Variants in C16orf78 observed in about 807,000 individuals in gnomAD.
C16orf78 encodes uncharacterized protein C16orf78.
A neutral mutation model predicts 27.3 loss-of-function variants in C16orf78; 19 were observed. The observed-to-expected ratio is 0.70, with a 90% CI of 0.49 to 1.02. The LOEUF (loss-of-function observed/expected upper bound fraction) is 1.02, where lower values mean the gene tolerates loss of function less well. C16orf78 is among the 50% of genes least tolerant of loss of function. C16orf78 has a pLI of 0.00. For missense variants in C16orf78, 339 were observed against 337.0 expected (o/e 1.01, Z -0.05); for synonymous variants, 130 against 116.1 (o/e 1.12, Z -0.77).
intron 1 of C16orf78, among the ~76,000 whole-genome samples, chr16:49,375,533 GC>G (rs1264552767): frequency 6.6e-6 from 1 of 152,038 alleles, no homozygotes; most frequent in Non-Finnish European, 1.5e-5. Flanking sequence ...GAGAACTCTC[GC>G]CTTCATGACA....
intron 2 of C16orf78, 63 bp from the exon 3 acceptor site, chr16:49,378,407 G>A: frequency 1.3e-6 from 2 of 1,524,412 alleles, no homozygotes; most frequent in Non-Finnish European, 1.8e-6. Context: ...TGCTTGGGAT[G>A]GAGCGGGGAG....
At position 49,399,323 on chromosome 16, in the gene C16orf78, C is replaced by G. The variant is rs765929210; in HGVS notation, c.*45C>G. ...CCTTCAGGCTCCTTCTGTCATGGGA[C>G]CCTTCACCTCCAGATGCCATCCTCT... On this transcript the variant is annotated 3_prime_UTR_variant, in exon 5 of 5. Coordinates refer to ENST00000299191, the MANE Select transcript of C16orf78 (RefSeq NM_144602.4). The G allele has an allele frequency of 6.2e-7, 1 of 1,603,246 alleles. No homozygotes were observed. The highest frequency in any genetic ancestry group is 1.7e-5 in the Admixed American group (1 of 59,608).
intron 1 of C16orf78, among the ~76,000 whole-genome samples, chr16:49,375,523 G>A (rs1424004521): frequency 1.3e-5 from 2 of 152,050 alleles, no homozygotes; most frequent in African/African-American, 2.4e-5. Flanking sequence ...TGGATCTCAC[G>A]AGAACTCTCG....
chr16:49,387,744 A>G (rs1172870171), intron 3 of C16orf78, among the ~76,000 whole-genome samples: 1 of 152,148 alleles, frequency 6.6e-6, no homozygotes, highest in Non-Finnish European at 1.5e-5. Context: ...GCTCATTATT[A>G]GTCTGTTCAG....
intron 1 of C16orf78, among the ~76,000 whole-genome samples, chr16:49,376,129 C>G (rs1196463199): frequency 6.6e-6 from 1 of 152,094 alleles, no homozygotes; most frequent in Non-Finnish European, 1.5e-5. Context: ...GATGGGGGAC[C>G]CTCTGGTGAG....
At chr16:49,398,123 T>G (rs1284814913) in intron 4 of C16orf78, among the ~76,000 whole-genome samples, 2 of 152,178 alleles carry the variant, frequency 1.3e-5, no homozygotes, top group Non-Finnish European at 2.9e-5. Flanking sequence ...GCTAGGCTGA[T>G]CAGGGAAAAA....
intron 3 of C16orf78, among the ~76,000 whole-genome samples, chr16:49,387,919 T>C (rs780626407): frequency 7.2e-5 from 11 of 152,166 alleles, no homozygotes; most frequent in Non-Finnish European, 1.3e-4. Context: ...AGTTTTTAAT[T>C]ATGTCTATTT....
At position 49,386,440 on chromosome 16, in the gene C16orf78, A is replaced by G. The variant is rs1441467052; in HGVS notation, c.394+7847A>G. Among the ~76,000 whole-genome samples the G allele has an allele frequency of 4.6e-5, 7 of 152,324 alleles. No individual in the cohort carries two copies. The East Asian group carries it at 1.4e-3, about 29-fold the overall frequency. ...TTCTACAGAAGTGATCATATGTGGG[A>G]CCACAAGTCATTTTTTTTTAAGTGC... On this transcript the variant is annotated intron_variant, in intron 3 of 4. Transcript: ENST00000299191.
intron 3 of C16orf78, among the ~76,000 whole-genome samples, chr16:49,388,511 G>A (rs868843391): frequency 1.1e-4 from 16 of 151,976 alleles, no homozygotes; most frequent in African/African-American, 2.4e-4. Flanking sequence ...CCATGAAATC[G>A]TATGGGGTTT....
At chr16:49,378,768 C>T (rs56152748) in intron 3 of C16orf78, among the ~76,000 whole-genome samples, 175 bp downstream of exon 3, 13,092 of 152,184 alleles carry the variant, frequency 0.086, 794 homozygotes, top group South Asian at 0.16. Context: ...CTCCTGGGGT[C>T]GCTCTTGGCA....
At chr16:49,394,760 C>T (rs910350395) in intron 3 of C16orf78, among the ~76,000 whole-genome samples, 3 of 151,710 alleles carry the variant, frequency 2.0e-5, no homozygotes, top group African/African-American at 7.3e-5. Flanking sequence ...TTCATTTTTT[C>T]CCCTAATATG....
chr16:49,393,905 G>A (rs1229104551), intron 3 of C16orf78, among the ~76,000 whole-genome samples: 1 of 151,836 alleles, frequency 6.6e-6, no homozygotes, highest in Non-Finnish European at 1.5e-5. Context: ...GAGAAAGGAT[G>A]CAAATAAAAT....
chr16:49,381,089 T>C (rs557584299), intron 3 of C16orf78, among the ~76,000 whole-genome samples: 1 of 152,258 alleles, frequency 6.6e-6, no homozygotes, highest in East Asian at 1.9e-4. Context: ...TTTGTTCTTT[T>C]GGCTTAGGAT....
Position 49,374,050 on chromosome 16 carries a change from G to T in C16orf78, c.111G>T (p.Trp37Cys), listed in dbSNP as rs1240269085. The change falls in exon 1 of 5, where the codon TGG (tryptophan) becomes TGT (cysteine). Residue 37 changes from tryptophan to cysteine, a missense_variant. By Grantham distance (215) the Trp-to-Cys change is radical. Transcript: ENST00000299191. The part of the protein sequence containing the change: ...RMSDLTCVLE[W>C]LERRQGKKKQ... ...CTGACCTCACCTGTGTGCTGGAGTG[G>T]CTGGAGCGGAGGCAGGGGAAGAAGA... 1.2e-6 allele frequency: 2 copies of T among 1,614,094 alleles called. No individual in the cohort carries two copies. Among genetic ancestry groups the T allele is most frequent in the African/African-American group, 1.3e-5 (1 of 74,928 alleles).
intron 2 of C16orf78, among the ~76,000 whole-genome samples, 177 bp downstream of exon 2, chr16:49,378,027 G>A (rs764298088): frequency 1.7e-4 from 26 of 152,140 alleles, no homozygotes; most frequent in Admixed American, 3.3e-4. Context: ...CTGTCCAGCC[G>A]TGCTACCCAA....
intron 4 of C16orf78, among the ~76,000 whole-genome samples, chr16:49,397,058 T>G (rs2151616929): frequency 6.6e-6 from 1 of 152,358 alleles, no homozygotes; most frequent in South Asian, 2.1e-4. Context: ...CTGGTGATGG[T>G]AGCCACCATC....
chr16:49,392,870 A>C (rs768292061), intron 3 of C16orf78, among the ~76,000 whole-genome samples: 1 of 152,148 alleles, frequency 6.6e-6, no homozygotes, highest in Admixed American at 6.5e-5. Flanking sequence ...CACAATTCCC[A>C]GGTATTGTGA....
chr16:49,377,808 AG>A lies in C16orf78; in HGVS notation c.229del (p.Ala77HisfsTer16). On this transcript the variant is annotated frameshift_variant, in exon 2 of 5. Transcript: ENST00000299191. LOFTEE classifies it high-confidence loss of function. ...AGAAGAAAGGCAAAGGCCTCATGAC[AG>A]CACGGGGAGGGAACCGCAGGGACAC... ...EEKKGKGLMTARGGNRRDTET... is the reference protein window; with the variant it reads ...EEKKGKGLMTXRGGNRRDTET... 1 of 1,590,238 alleles carries A rather than the reference AG, an allele frequency of 6.3e-7. No homozygotes were observed. Among genetic ancestry groups the A allele is most frequent in the Non-Finnish European group, 8.6e-7 (1 of 1,167,472 alleles).
chr16:49,396,280 T>A, intron 3 of C16orf78, 143 bp from the exon 4 acceptor site: 4 of 906,670 alleles, frequency 4.4e-6, no homozygotes, highest in South Asian at 1.7e-5. Flanking sequence ...AGAGAACCTG[T>A]GGAAGCCACG....
Sources: allele counts gnomAD v4.1 joint callset (sites outside exome capture counted in the v4.1 genomes callset), GRCh38; gene constraint gnomAD v4.1.1; transcripts MANE v1.5; gene names NCBI Gene and HGNC (gene_info 2026-07-23, HGNC 2026-07-21).